Variants in NAAA observed in about 807,000 individuals in gnomAD.
The protein encoded by NAAA is N-acylethanolamine acid amidase.
In NAAA, 39 loss-of-function variants were observed where a neutral mutation model predicts 44.8. The observed-to-expected ratio is 0.87, with a 90% confidence interval of 0.67 to 1.14. NAAA has a LOEUF of 1.14. Among genes scored for constraint, NAAA ranks in the 50% most tolerant of loss-of-function variants. NAAA has a pLI of 0.00. For synonymous variants in NAAA, 178 were observed against 191.3 expected, an observed-to-expected ratio of 0.93 and a Z score of 0.58; for missense variants, 460 against 467.8, an observed-to-expected ratio of 0.98 and a Z score of 0.15.
Position 75,919,944 on chromosome 4 carries a change from C to T in NAAA, c.934G>A (p.Gly312Arg). Residue 312 changes from glycine to arginine, a missense_variant, in exon 8 of 11, where the codon GGA becomes AGA. By Grantham distance (125) the Gly-to-Arg change is moderately radical. Coordinates refer to ENST00000286733, the MANE Select transcript of NAAA (RefSeq NM_014435.4). ...GCCTCCAGGCTGAGGTTTGCTTGTC[C>T]TGTAGCATTAAGGGCCTTGATGGCA... The part of the protein sequence containing the change: ...TSAIKALNAT[G>R]QANLSLEALF... 6.2e-7 allele frequency: 1 copy of T among 1,614,132 alleles called. No individual in the cohort carries two copies. Among genetic ancestry groups the T allele is most frequent in the Non-Finnish European group, 8.5e-7 (1 of 1,180,006 alleles).
At chr4:75,920,414 T>C (rs893080240) in intron 7 of NAAA, among the ~76,000 whole-genome samples, 3 of 152,312 alleles carry the variant, frequency 2.0e-5, no homozygotes. Flanking sequence ...TAGAAGACCA[T>C]GAACCTGGCC....
chr4:75,940,362 C>A, intron 1 of NAAA, 197 bp from the exon 2 acceptor site: 1 of 557,708 alleles, frequency 1.8e-6, no homozygotes, highest in Non-Finnish European at 3.1e-6. Context: ...GGGGGGAAGG[C>A]GGCGGGTAAG....
At chr4:75,910,969 G>A (rs112729298), downstream of NAAA, among the ~76,000 whole-genome samples, 14,192 of 152,176 alleles carry the variant, frequency 0.093, 1,215 homozygotes, top group African/African-American at 0.23. Flanking sequence ...GGTGGAGTTC[G>A]GAGCAATTTT....
intron 9 of NAAA, 79 bp downstream of exon 9, chr4:75,918,682 T>C (rs994583762): frequency 1.0e-5 from 15 of 1,489,058 alleles, no homozygotes; most frequent in African/African-American, 2.8e-5. Flanking sequence ...CCTCAGATCC[T>C]TGCTGAGCCA....
chr4:75,920,628 T>A, intron 7 of NAAA, 110 bp downstream of exon 7: 1 of 1,367,282 alleles, frequency 7.3e-7, no homozygotes, highest in Admixed American at 1.7e-5. Context: ...TCAGGTACAT[T>A]TTCTGGGAGA....
Position 75,921,152 on chromosome 4 carries a change from A to C in NAAA, c.667-29T>G, listed in dbSNP as rs761331075. The stretch of plus-strand genomic sequence containing the variant: ...AACGAAAGGATGAACTTGCGTGAGC[A>C]ACCCCACCTGCAGTTGGGTCCACAC... On this transcript the variant is annotated intron_variant, in intron 5 of 10. Transcript: ENST00000286733. 3.9e-6 allele frequency: 6 copies of C among 1,544,750 alleles called. No individual in the cohort carries two copies. In the Admixed American group the frequency reaches 8.9e-5, roughly 23 times the overall value.
intron 5 of NAAA, 113 bp downstream of exon 5, chr4:75,925,622 A>T (rs1024104431): frequency 4.3e-5 from 41 of 950,810 alleles, no homozygotes; most frequent in Non-Finnish European, 6.3e-5. Context: ...AGACATTTAG[A>T]TGCTTATTCT....
At chr4:75,928,486 T>A (rs1726933815) in intron 4 of NAAA, among the ~76,000 whole-genome samples, 1 of 152,086 alleles carries the variant, frequency 6.6e-6, no homozygotes. Flanking sequence ...GAGGTGCCAT[T>A]TTCTGAGACA....
In NAAA at chr4:75,925,779, C is replaced by T; in HGVS notation, c.622G>A (p.Ala208Thr). ...KGWWWENAIA[A>T]LFRRHIPVSW... ...ACGGGAATGTGTCTCCGAAACAGGG[C>T]AGCGATAGCATTCTCCCACCACCAG... Residue 208 changes from alanine (A) to threonine (T), a missense_variant, in exon 5 of 11, where the codon GCC becomes ACC. By Grantham distance (58) the Ala-to-Thr change is moderately conservative. Coordinates refer to ENST00000286733, the MANE Select transcript of NAAA (RefSeq NM_014435.4). 6.2e-7 allele frequency: 1 copy of T among 1,614,140 alleles called. No homozygotes were observed. The highest frequency in any genetic ancestry group is 8.5e-7 in the Non-Finnish European group (1 of 1,180,036).
intron 9 of NAAA, among the ~76,000 whole-genome samples, chr4:75,915,262 T>C (rs898964191): frequency 2.0e-5 from 3 of 152,030 alleles, no homozygotes; most frequent in Non-Finnish European, 4.4e-5. Flanking sequence ...GGCAGGAGAA[T>C]TGCTTAAACT....
chr4:75,940,839 G>A lies in NAAA; in HGVS notation c.111C>T (p.Asn37=). The A allele has an allele frequency of 1.9e-6, 3 of 1,591,204 alleles. No homozygotes were observed. The highest frequency in any genetic ancestry group is 2.3e-5 in the East Asian group (1 of 43,786). Residue 37 remains asparagine, a synonymous_variant, in exon 1 of 11, where the codon AAC becomes AAT. Coordinates refer to ENST00000286733, the MANE Select transcript of NAAA (RefSeq NM_014435.4). ...GCTCGGGGACCGAGTCCAGGCTCAC[G>A]TTGAAGCGCGGCGCTGCTGGGGGCG... ...AASPPAAPRF[N]VSLDSVPELR...
At chr4:75,928,007 T>C (rs1310481983) in intron 4 of NAAA, among the ~76,000 whole-genome samples, 1 of 152,186 alleles carries the variant, frequency 6.6e-6, no homozygotes, top group Non-Finnish European at 1.5e-5. Context: ...AAAATTAATT[T>C]TTAAAAACCC....
At chr4:75,921,642 G>T (rs1227470767) in intron 5 of NAAA, among the ~76,000 whole-genome samples, 1 of 152,134 alleles carries the variant, frequency 6.6e-6, no homozygotes. Flanking sequence ...CACAGTAGGG[G>T]TCCCATCCTC....
chr4:75,923,093 C>A (rs113676410), intron 5 of NAAA, among the ~76,000 whole-genome samples: 1 of 151,598 alleles, frequency 6.6e-6, no homozygotes, highest in Non-Finnish European at 1.5e-5. Context: ...TTACTTCTTT[C>A]CAGACATGGG....
chr4:75,930,493 A>G (rs762702369), intron 4 of NAAA: 1 of 518,544 alleles, frequency 1.9e-6, no homozygotes, highest in Non-Finnish European at 3.8e-6. Flanking sequence ...TAAGAAGAAG[A>G]CATGTGAGGA....
downstream of NAAA, chr4:75,911,237 T>G: frequency 2.1e-6 from 1 of 480,716 alleles, no homozygotes; most frequent in East Asian, 5.9e-5. Context: ...TTCTCTTCTT[T>G]TGTGGATCTT....
Position 75,940,153 on chromosome 4 carries a change from G to C in NAAA, c.219C>G (p.Pro73=). 1 of 1,613,728 alleles carries C rather than the reference G, an allele frequency of 6.2e-7. No homozygotes were observed. The highest frequency in any genetic ancestry group is 8.5e-7 in the Non-Finnish European group (1 of 1,179,798). ...TTCCGATTAACACGTGCACCCACTTGGGGACTCTGTCCCTAGAAACAAAAA... is the reference window on the plus strand; with the variant it reads ...TTCCGATTAACACGTGCACCCACTTCGGGACTCTGTCCCTAGAAACAAAAA... ...AMAQVIGDRV[P]KWVHVLIGKV... is the part of the protein sequence containing the mutation. Residue 73 remains proline (P), a synonymous_variant, in exon 2 of 11, where the codon CCC becomes CCG. Coordinates refer to ENST00000286733, the MANE Select transcript of NAAA (RefSeq NM_014435.4).
intron 7 of NAAA, among the ~76,000 whole-genome samples, chr4:75,920,497 G>A (rs950360086): frequency 6.6e-6 from 1 of 152,158 alleles, no homozygotes; most frequent in Non-Finnish European, 1.5e-5. Flanking sequence ...AGAGCTGGTG[G>A]TGGGCTCTAG....
intron 3 of NAAA, chr4:75,935,308 A>G (rs1727610568): frequency 6.6e-6 from 1 of 152,260 alleles, no homozygotes; most frequent in African/African-American, 2.4e-5. Context: ...AAGGGAATAT[A>G]GTCCTTGTCC....
Sources: allele counts gnomAD v4.1 joint callset (sites outside exome capture counted in the v4.1 genomes callset), GRCh38; gene constraint gnomAD v4.1.1; transcripts MANE v1.5; gene names NCBI Gene and HGNC (gene_info 2026-07-23, HGNC 2026-07-21).